Variants in ACY1 observed in about 807,000 individuals in gnomAD.
ACY1 encodes the protein aminoacylase-1.
In ACY1, 38 loss-of-function variants were observed where a neutral mutation model predicts 53.3. That is an observed-to-expected ratio of 0.71 (90% CI 0.55 to 0.93). The LOEUF (loss-of-function observed/expected upper bound fraction) is 0.93, where lower values mean the gene tolerates loss of function less well. Among genes scored for constraint, ACY1 ranks in the 40% least tolerant of loss-of-function variants. The pLI is 0.00. For missense variants in ACY1, 484 were observed against 540.9 expected (o/e 0.89, Z 1.04); for synonymous variants, 177 against 202.1 (o/e 0.88, Z 1.05).
At position 51,987,142 on chromosome 3, in the gene ACY1, C is replaced by T. The variant is rs979744063; in HGVS notation, c.658-5C>T. The T allele has an allele frequency of 6.2e-7, 1 of 1,614,062 alleles. No homozygotes were observed. The highest frequency in any genetic ancestry group is 1.3e-5 in the African/African-American group (1 of 74,918). On this transcript the variant is annotated splice_polypyrimidine_tract_variant and splice_region_variant and intron_variant, in intron 9 of 14. Transcript: ENST00000636358. ...ACTGTCCCATTTAACCTCATATTCT[C>T]ATAGCACAAGGTTGTAAACTCCATC...
chr3:51,988,078 C>G (rs1354485950), intron 12 of ACY1: 1 of 319,636 alleles, frequency 3.1e-6, no homozygotes, highest in East Asian at 8.3e-5. Context: ...GTTGGCCAGG[C>G]TTGTCTCGAA....
chr3:51,986,055 C>T, intron 5 of ACY1, 109 bp downstream of exon 5: 1 of 1,191,250 alleles, frequency 8.4e-7, no homozygotes, highest in Non-Finnish European at 1.2e-6. Flanking sequence ...AACACCGTGA[C>T]CTCTTGGACA....
At chr3:51,985,303 G>A (rs1301483351) in intron 3 of ACY1, 32 bp downstream of exon 3, 22 of 1,613,420 alleles carry the variant, frequency 1.4e-5, no homozygotes, top group Non-Finnish European at 1.8e-5. Context: ...GGGAAGGGAG[G>A]TGGGCCTGGG....
At position 51,986,334 on chromosome 3, in the gene ACY1, AG is replaced by A; in HGVS notation, c.436+5del. 1 of 1,337,532 alleles carries A rather than the reference AG, an allele frequency of 7.5e-7. No individual in the cohort carries two copies. The highest frequency in any genetic ancestry group is 9.9e-7 in the Non-Finnish European group (1 of 1,014,210). The allele number at this position is 1,337,532 out of a possible 1,614,324, so 82.9% of individuals were successfully genotyped here. On this transcript the variant is annotated splice_donor_region_variant and intron_variant, in intron 6 of 14. Coordinates refer to ENST00000636358, the MANE Select transcript of ACY1 (RefSeq NM_000666.3). ...CATCCACATGACCTTTGTGCCTGGT[AG>A]GAGTGGCTCAGATACCTTTGGGAAA... is the stretch of plus-strand genomic sequence containing the variant.
In ACY1 at chr3:51,986,633, T is replaced by C. The variant is rs1311607564; in HGVS notation, c.555T>C (p.Thr185=). 1.9e-6 allele frequency: 3 copies of C among 1,614,144 alleles called. No homozygotes were observed. The highest frequency in any genetic ancestry group is 2.5e-6 in the Non-Finnish European group (3 of 1,180,014). ...EGIANPTDAF[T]VFYSERSPWW... is the part of the protein sequence containing the mutation. ...TAGCCAATCCCACTGATGCCTTCAC[T>C]GTCTTTTATAGTGAGCGGAGTCCCT... The change falls in exon 8 of 15, where the codon ACT becomes ACC. Residue 185 remains threonine (T), a synonymous_variant. Coordinates refer to ENST00000636358, the MANE Select transcript of ACY1 (RefSeq NM_000666.3).
chr3:51,987,440 A>C lies in ACY1; in HGVS notation c.839A>C (p.Asp280Ala), dbSNP rs1479626589. Residue 280 changes from aspartate (D) to alanine (A), a missense_variant, in exon 11 of 15, where the codon GAT (aspartate) becomes GCT (alanine). Transcript: ENST00000636358. Reference protein sequence around the residue: ...SASFDFRVAPDVDFKAFEEQL... With the variant: ...SASFDFRVAPAVDFKAFEEQL... ...AGCTTTGACTTCCGTGTGGCACCGG[A>C]TGTGGACTTCAAGGTGCCACCTCCA... The C allele has an allele frequency of 9.3e-6, 15 of 1,614,142 alleles. No homozygotes were observed. The highest frequency in any genetic ancestry group is 5.0e-5 in the Admixed American group (3 of 60,022).
In ACY1 at chr3:51,987,627, A is replaced by T; in HGVS notation, c.921+3A>T. 1 of 1,613,852 alleles carries T rather than the reference A, an allele frequency of 6.2e-7. No homozygotes were observed. ...GGGTCACCCTAGAGTTTGCTCAGGT[A>T]TGGACTTGGGACATGTGATGGGAGA... On this transcript the variant is annotated splice_donor_region_variant and intron_variant, in intron 12 of 14. Transcript: ENST00000636358.
chr3:51,986,395 C>G lies in ACY1; in HGVS notation c.437-20C>G. On this transcript the variant is annotated intron_variant, in intron 6 of 14. Coordinates refer to ENST00000636358, the MANE Select transcript of ACY1 (RefSeq NM_000666.3). ...GGGGCGGGGCAGCCTCCTCATCTCA[C>G]GTCCCTGCTGCTTTTACAGATGAGG... 2 of 1,608,030 alleles carry G rather than the reference C, an allele frequency of 1.2e-6. No individual in the cohort carries two copies. The highest frequency in any genetic ancestry group is 1.1e-5 in the South Asian group (1 of 90,262).
At chr3:51,987,500 C>T (rs1367605475) in intron 11 of ACY1, 47 bp downstream of exon 11, 3 of 1,614,034 alleles carry the variant, frequency 1.9e-6, no homozygotes, top group Non-Finnish European at 2.5e-6. Flanking sequence ...GGTCCTCAGT[C>T]TTGTCCTAGA....
chr3:51,987,552 T>A lies in ACY1; in HGVS notation c.853-4T>A, dbSNP rs1378719076. 6.2e-7 allele frequency: 1 copy of A among 1,614,118 alleles called. No individual in the cohort carries two copies. Among genetic ancestry groups the A allele is most frequent in the East Asian group, 2.2e-5 (1 of 44,882 alleles). ...GAAGGATCAGCTCGTCTCCCTTCTCTTAGGCTTTTGAGGAGCAGCTGCAGA... is the reference window on the plus strand; with the variant it reads ...GAAGGATCAGCTCGTCTCCCTTCTCATAGGCTTTTGAGGAGCAGCTGCAGA... On this transcript the variant is annotated splice_region_variant and splice_polypyrimidine_tract_variant and intron_variant, in intron 11 of 14. Transcript: ENST00000636358.
At chr3:51,987,911 A>C in intron 12 of ACY1, 1 of 381,436 alleles carries the variant, frequency 2.6e-6, no homozygotes, top group Non-Finnish European at 4.9e-6. Flanking sequence ...TCACTCCGTC[A>C]CCCAGGCTGC....
chr3:51,984,814 CAAA>C (rs34294622), intron 2 of ACY1: 3,473 of 117,114 alleles, frequency 0.03, no homozygotes, highest in South Asian at 0.046. Flanking sequence ...GACCCTGTCT[CAAA>C]AAAAAAAAAA....
chr3:51,985,280 G>T lies in ACY1; in HGVS notation c.159+9G>T, dbSNP rs1310689817. On this transcript the variant is annotated intron_variant, in intron 3 of 14. Coordinates refer to ENST00000636358, the MANE Select transcript of ACY1 (RefSeq NM_000666.3). ...GCTGTCAGAAAGTAGAGGTGAGCCT[G>T]GGGCCCTAAGCGGGGAAGGGAGGTG... is the stretch of plus-strand genomic sequence containing the variant. The T allele has an allele frequency of 1.2e-6, 2 of 1,611,962 alleles. No homozygotes were observed. The highest frequency in any genetic ancestry group is 2.7e-5 in the African/African-American group (2 of 74,904).
In ACY1 at chr3:51,987,633, T is replaced by C; in HGVS notation, c.921+9T>C. 6.2e-7 allele frequency: 1 copy of C among 1,613,506 alleles called. No homozygotes were observed. Among genetic ancestry groups the C allele is most frequent in the Non-Finnish European group, 8.5e-7 (1 of 1,179,666 alleles). ...CCCTAGAGTTTGCTCAGGTATGGAC[T>C]TGGGACATGTGATGGGAGAGTGTGG... On this transcript the variant is annotated intron_variant, in intron 12 of 14. Coordinates refer to ENST00000636358, the MANE Select transcript of ACY1 (RefSeq NM_000666.3).
At chr3:51,984,186 T>A in intron 2 of ACY1, 28 bp downstream of exon 2, 1 of 1,604,692 alleles carries the variant, frequency 6.2e-7, no homozygotes, top group Non-Finnish European at 8.5e-7. Flanking sequence ...CCAGAGCCTG[T>A]GACGGGGCCT....
intron 5 of ACY1, 110 bp from the exon 6 acceptor site, chr3:51,986,145 G>A: frequency 3.4e-6 from 4 of 1,193,594 alleles, no homozygotes; most frequent in Non-Finnish European, 4.9e-6. Flanking sequence ...TCCCTATCAG[G>A]GTGTGGCAGG....
chr3:51,989,167 G>T lies in ACY1; in HGVS notation c.*92G>T. On this transcript the variant is annotated 3_prime_UTR_variant, in exon 15 of 15. Coordinates refer to ENST00000636358, the MANE Select transcript of ACY1 (RefSeq NM_000666.3). ...CCCCCTTCCAAATAATAAAGTCTAT[G>T]GACAGGGCTGTCTCTGAAGTACTAA... 6.5e-7 allele frequency: 1 copy of T among 1,546,812 alleles called. No individual in the cohort carries two copies. The highest frequency in any genetic ancestry group is 8.8e-7 in the Non-Finnish European group (1 of 1,134,152).
rs187850374 is a variant in ACY1 at position 51,989,132 on chromosome 3, A to T, written c.*57A>T. On this transcript the variant is annotated 3_prime_UTR_variant, in exon 15 of 15. Coordinates refer to ENST00000636358, the MANE Select transcript of ACY1 (RefSeq NM_000666.3). ...GCTTCCATCCCAACCAGTGCCAAGGACCTCCTCTTCCCCCTTCCAAATAAT... is the reference window on the plus strand; with the variant it reads ...GCTTCCATCCCAACCAGTGCCAAGGTCCTCCTCTTCCCCCTTCCAAATAAT... 6.2e-7 allele frequency: 1 copy of T among 1,600,072 alleles called. No individual in the cohort carries two copies. Among genetic ancestry groups the T allele is most frequent in the Admixed American group, 1.7e-5 (1 of 59,984 alleles).
At position 51,986,472 on chromosome 3, in the gene ACY1, A is replaced by C; in HGVS notation, c.494A>C (p.His165Pro). The change falls in exon 7 of 15, where the codon CAC becomes CCC. Residue 165 changes from histidine (H) to proline (P), a missense_variant. By Grantham distance (77) the His-to-Pro change is moderately conservative. Transcript: ENST00000636358. ...CTGTTCGTGCAGCGGCCTGAGTTCC[A>C]CGCCCTGAGGGCAGGCTTTGCCCTG... The part of the protein sequence containing the change: ...MELFVQRPEF[H>P]ALRAGFALDE... The C allele has an allele frequency of 6.2e-7, 1 of 1,613,896 alleles. No homozygotes were observed. Among genetic ancestry groups the C allele is most frequent in the Non-Finnish European group, 8.5e-7 (1 of 1,179,896 alleles).
Sources: allele counts gnomAD v4.1 joint callset, GRCh38; gene constraint gnomAD v4.1.1; transcripts MANE v1.5; gene names NCBI Gene and HGNC (gene_info 2026-07-23, HGNC 2026-07-21).